Variants in PRSS23 observed in about 807,000 individuals in gnomAD.
The protein encoded by PRSS23 is protease, serine 23.
In PRSS23, 25 loss-of-function variants were observed where a neutral mutation model predicts 34.7. The ratio of observed to expected loss-of-function variants is 0.72; its 90% CI spans 0.53 to 1.01. The LOEUF is 1.01. PRSS23 is among the 50% of genes least tolerant of loss of function. The pLI is 0.00. For missense variants in PRSS23, 445 were observed against 475.6 expected (o/e 0.94, Z 0.60); for synonymous variants, 176 against 186.6 (o/e 0.94, Z 0.46).
At chr11:86,849,338 C>A (rs1265434875) in intron 2 of PRSS23, among the ~76,000 whole-genome samples, 1 of 152,172 alleles carries the variant, frequency 6.6e-6, no homozygotes, top group Admixed American at 6.5e-5. Flanking sequence ...AAGTCCCACA[C>A]CCTTATTAAG....
chr11:86,878,429 C>G (rs1007203870), intron 2 of PRSS23, among the ~76,000 whole-genome samples: 5 of 152,096 alleles, frequency 3.3e-5, no homozygotes, highest in African/African-American at 7.2e-5. Context: ...CGCCTGACTG[C>G]TTTTCGTATT....
rs371482043 is a variant in PRSS23, at chr11:86,951,106, C to G, written c.207-110C>G. On this transcript the variant is annotated intron_variant, in intron 2 of 2. Coordinates refer to the PRSS23 transcript ENST00000533902. ...TTCCTCCAAAATGCTGGCATTCCCC[C>G]CTTCAAAATGAAGAAAGCATGGAGG... 2.7e-5 allele frequency: 43 copies of G among 1,606,870 alleles called. No individual in the cohort carries two copies. The Middle Eastern group carries it at 6.6e-4, about 25-fold the overall frequency.
In PRSS23 at chr11:86,874,130, G is replaced by T. The variant is rs1017800700; in HGVS notation, c.206+50537G>T. On this transcript the variant is annotated intron_variant, in intron 2 of 2. Coordinates refer to the PRSS23 transcript ENST00000533902. ...GTGAAGAGAAGAATAAAGGGGAAAG[G>T]TTGGGTGGAAGAATCTTGGGCTGCA... is the stretch of plus-strand genomic sequence containing the variant. 7.9e-5 allele frequency among the ~76,000 whole-genome samples: 12 copies of T among 152,326 alleles called. No homozygotes were observed. The East Asian group carries it at 1.2e-3, about 15-fold the overall frequency.
chr11:86,915,651 T>C (rs1203768295), intron 2 of PRSS23, among the ~76,000 whole-genome samples: 1 of 150,638 alleles, frequency 6.6e-6, no homozygotes, highest in African/African-American at 2.4e-5. Context: ...GTGGTAATAA[T>C]ATAGTAACTG....
At chr11:86,795,255 G>A (rs918786226) in intron 1 of PRSS23, among the ~76,000 whole-genome samples, 4 of 151,974 alleles carry the variant, frequency 2.6e-5, no homozygotes, top group African/African-American at 4.8e-5. Flanking sequence ...ATAATAATAC[G>A]TATTGCCAAT....
Position 86,931,088 on chromosome 11 carries a change from T to C in PRSS23, c.207-20128T>C, listed in dbSNP as rs979901537. 6.6e-5 allele frequency among the ~76,000 whole-genome samples: 10 copies of C among 152,314 alleles called. No individual in the cohort carries two copies. The Middle Eastern group carries it at 0.01, about 155-fold the overall frequency. On this transcript the variant is annotated intron_variant, in intron 2 of 2. Coordinates refer to the PRSS23 transcript ENST00000533902. ...AGGTTATGTTTTAAATGGATTGCTC[T>C]GGAGCCTATGAGGAGAAATGACTGG...
upstream of PRSS23, among the ~76,000 whole-genome samples, chr11:86,799,765 A>T (rs961181825): frequency 1.3e-5 from 2 of 150,822 alleles, no homozygotes; most frequent in African/African-American, 4.9e-5. Flanking sequence ...CCCACTGGAC[A>T]AGGAGGTGGC....
At chr11:86,915,081 C>G (rs535664578) in intron 2 of PRSS23, among the ~76,000 whole-genome samples, 2 of 152,018 alleles carry the variant, frequency 1.3e-5, no homozygotes, top group Admixed American at 6.6e-5. Context: ...AACCATCAAT[C>G]GCATCAGTCC....
intron 2 of PRSS23, among the ~76,000 whole-genome samples, chr11:86,927,476 C>A (rs78798626): frequency 6.6e-6 from 1 of 152,104 alleles, no homozygotes; most frequent in African/African-American, 2.4e-5. Context: ...GATAAGAAAG[C>A]AGAGCTAAGA....
In PRSS23 at chr11:86,876,971, A is replaced by G. The variant is rs137995190; in HGVS notation, c.206+53378A>G. Among the ~76,000 whole-genome samples the G allele has an allele frequency of 3.2e-3, 487 of 152,330 alleles. 9 individuals are homozygous for G. Among genetic ancestry groups the G allele is most frequent in the African/African-American group, 9.1e-3 (379 of 41,578 alleles). ...AGTCTCCATCATAAGAAAGAGTTGT[A>G]TAACCTGTCTTCTACCTGCACGGCT... On this transcript the variant is annotated intron_variant, in intron 2 of 2. Transcript: ENST00000533902.
At chr11:86,877,403 CA>C (rs1427982846) in intron 2 of PRSS23, among the ~76,000 whole-genome samples, 5 of 152,248 alleles carry the variant, frequency 3.3e-5, no homozygotes, top group African/African-American at 1.2e-4. Flanking sequence ...GTACATGTCT[CA>C]AAAGCTCTTA....
chr11:86,916,632 G>A (rs1435729650), intron 2 of PRSS23, among the ~76,000 whole-genome samples: 2 of 152,076 alleles, frequency 1.3e-5, no homozygotes, highest in Non-Finnish European at 2.9e-5. Context: ...TCACAGATTC[G>A]GCTTCATTGT....
At chr11:86,812,597 T>G (rs1183422500), downstream of PRSS23, among the ~76,000 whole-genome samples, 1 of 151,372 alleles carries the variant, frequency 6.6e-6, no homozygotes, top group African/African-American at 2.4e-5. Context: ...AGACCAGCCC[T>G]GCTAACATGC....
In PRSS23 at chr11:86,809,067, G is replaced by T; in HGVS notation, c.*272G>T. 3.0e-6 allele frequency: 1 copy of T among 338,930 alleles called. No individual in the cohort carries two copies. The highest frequency in any genetic ancestry group is 5.6e-6 in the Non-Finnish European group (1 of 178,980). 21.0% of individuals were successfully genotyped at this position (338,930 alleles called of 1,614,324 possible). On this transcript the variant is annotated 3_prime_UTR_variant, in exon 2 of 2. Transcript: ENST00000280258. ...AAAAATACTGATTTGGGGCAATGAGGAATATTTGACAATTAAGTTAATCTT... is the reference window on the plus strand; with the variant it reads ...AAAAATACTGATTTGGGGCAATGAGTAATATTTGACAATTAAGTTAATCTT...
rs899890952 is a variant in PRSS23, at chr11:86,809,136, T to A, written c.*341T>A. The A allele has an allele frequency of 9.5e-5, 20 of 210,096 alleles. No individual in the cohort carries two copies. The highest frequency in any genetic ancestry group is 2.0e-3 in the Middle Eastern group (1 of 500). The allele number at this position is 210,096 out of a possible 1,614,324, so 13.0% of individuals were successfully genotyped here. ...GATTTTTATTTCATCTGAACTTGTT[T>A]CAAAGATTTATATTAAATATTTGGC... On this transcript the variant is annotated 3_prime_UTR_variant, in exon 2 of 2. Transcript: ENST00000280258.
intron 2 of PRSS23, among the ~76,000 whole-genome samples, chr11:86,939,931 A>G (rs989934690): frequency 6.6e-6 from 1 of 152,188 alleles, no homozygotes; most frequent in Non-Finnish European, 1.5e-5. Flanking sequence ...TGGTTAGGCA[A>G]TTCACAGTAG....
At chr11:86,889,602 C>T (rs750978281) in intron 2 of PRSS23, among the ~76,000 whole-genome samples, 31 of 152,172 alleles carry the variant, frequency 2.0e-4, no homozygotes, top group Non-Finnish European at 8.8e-5. Context: ...GCAGAGCCTT[C>T]GTGGCCTAAT....
intron 2 of PRSS23, among the ~76,000 whole-genome samples, chr11:86,919,800 C>CT (rs1949036053): frequency 6.6e-6 from 1 of 152,158 alleles, no homozygotes; most frequent in African/African-American, 2.4e-5. Context: ...TGAGCCATGT[C>CT]TTTGTTTTTT....
intron 2 of PRSS23, among the ~76,000 whole-genome samples, chr11:86,880,928 T>C (rs1196301632): frequency 6.6e-6 from 1 of 152,252 alleles, no homozygotes; most frequent in African/African-American, 2.4e-5. Flanking sequence ...TTATTAGCCC[T>C]AGTAATGTTT....
Sources: gnomAD v4.1 joint callset for allele counts (sites outside exome capture counted in the v4.1 genomes callset) on GRCh38, gnomAD v4.1.1 for gene constraint, MANE v1.5 for transcripts, NCBI Gene and HGNC (gene_info 2026-07-23, HGNC 2026-07-21) for gene names.